HECW2: variants seen among roughly 807,000 people sequenced by gnomAD.
HECW2 encodes the protein E3 ubiquitin-protein ligase HECW2.
In HECW2, 61 loss-of-function variants were observed where a neutral mutation model predicts 175.2. That is an observed-to-expected ratio of 0.35 (90% confidence interval 0.28 to 0.43). The LOEUF (loss-of-function observed/expected upper bound fraction) is 0.43. HECW2 is among the 20% of genes least tolerant of loss of function. The probability of loss-of-function intolerance (pLI) is 1.00; values close to 1 mark genes in which losing one functional copy is unlikely to be tolerated. For missense variants in HECW2, 1,524 were observed against 2,000.5 expected, an observed-to-expected ratio of 0.76 and a Z score of 4.54; for synonymous variants, 671 against 731.0, an observed-to-expected ratio of 0.92 and a Z score of 1.32.
At chr2:196,246,857 G>GT (rs998086244) in intron 19 of HECW2, among the ~76,000 whole-genome samples, 6 of 152,148 alleles carry the variant, frequency 3.9e-5, no homozygotes, top group Admixed American at 1.3e-4. Flanking sequence ...TATACTCTAG[G>GT]TAAAGGGATT....
At chr2:196,305,091 A>G (rs1691209527) in intron 13 of HECW2, among the ~76,000 whole-genome samples, 1 of 152,134 alleles carries the variant, frequency 6.6e-6, no homozygotes, top group Admixed American at 6.5e-5. Context: ...CCAGCAGTGT[A>G]TCTTCTATAG....
chr2:196,299,163 A>AT (rs1403000501), intron 13 of HECW2, among the ~76,000 whole-genome samples: 1 of 146,580 alleles, frequency 6.8e-6, no homozygotes, highest in Non-Finnish European at 1.5e-5. Context: ...AGCATGGATC[A>AT]TCTTTTTAGC....
At chr2:196,476,894 T>C (rs1471158013) in intron 1 of HECW2, among the ~76,000 whole-genome samples, 2 of 134,348 alleles carry the variant, frequency 1.5e-5, no homozygotes, top group Non-Finnish European at 1.5e-5. Context: ...GAGGATCACT[T>C]GAGGCCAGGA....
intron 1 of HECW2, among the ~76,000 whole-genome samples, chr2:196,500,221 A>G (rs2178070): frequency 0.14 from 20,922 of 152,222 alleles, 1,514 homozygotes; most frequent in Middle Eastern, 0.24. Flanking sequence ...TAGAACTTCA[A>G]GTTTTTTTAG....
chr2:196,472,121 G>A (rs577404682), intron 1 of HECW2, among the ~76,000 whole-genome samples: 60 of 151,910 alleles, frequency 3.9e-4, no homozygotes, highest in African/African-American at 1.4e-3. Context: ...ACATTTAGAG[G>A]GCGAAAAAAA....
chr2:196,494,437 G>A (rs1049829054), intron 1 of HECW2, among the ~76,000 whole-genome samples: 1 of 152,194 alleles, frequency 6.6e-6, no homozygotes, highest in Non-Finnish European at 1.5e-5. Context: ...ACAGATTCAA[G>A]AGATATTTTC....
chr2:196,231,020 T>C (rs779584253), intron 21 of HECW2, among the ~76,000 whole-genome samples: 1 of 132,566 alleles, frequency 7.5e-6, no homozygotes, highest in African/African-American at 2.9e-5. Flanking sequence ...GGAGAATCAC[T>C]TGAACCAGGG....
chr2:196,294,038 T>C (rs1575371993), intron 13 of HECW2, among the ~76,000 whole-genome samples: 1 of 152,290 alleles, frequency 6.6e-6, no homozygotes, highest in South Asian at 2.1e-4. Flanking sequence ...TCTTTTTTTC[T>C]CTTTTTCCCT....
At chr2:196,294,451 A>C (rs1690730276) in intron 13 of HECW2, among the ~76,000 whole-genome samples, 1 of 152,000 alleles carries the variant, frequency 6.6e-6, no homozygotes, top group Non-Finnish European at 1.5e-5. Context: ...TTCCAGCTTT[A>C]TGGGTTCTGT....
chr2:196,289,771 T>C (rs1690535897), intron 14 of HECW2: 1 of 152,122 alleles, frequency 6.6e-6, no homozygotes, highest in African/African-American at 2.4e-5. Context: ...AGAAAACCTA[T>C]TAGCTGCCTA....
chr2:196,306,778 C>T (rs1691281735), intron 12 of HECW2, among the ~76,000 whole-genome samples, 166 bp from the exon 13 acceptor site: 2 of 152,168 alleles, frequency 1.3e-5, no homozygotes, highest in African/African-American at 4.8e-5. Context: ...ATACATAAAA[C>T]ATGGCTGTTC....
At chr2:196,549,408 G>T (rs1381199040) in intron 1 of HECW2, among the ~76,000 whole-genome samples, 1 of 151,990 alleles carries the variant, frequency 6.6e-6, no homozygotes, top group Non-Finnish European at 1.5e-5. Flanking sequence ...AATACAGTTT[G>T]GTTTTTGAAC....
chr2:196,322,673 C>T, intron 6 of HECW2, 53 bp from the exon 7 acceptor site: 2 of 1,476,134 alleles, frequency 1.4e-6, no homozygotes, highest in Non-Finnish European at 9.4e-7. Context: ...AAATATGATA[C>T]TATATCATTT....
Position 196,318,807 on chromosome 2 carries a change from C to A in HECW2, c.2083G>T (p.Glu695Ter). 1 of 1,528,564 alleles carries A rather than the reference C, an allele frequency of 6.5e-7. No individual in the cohort carries two copies. The highest frequency in any genetic ancestry group is 8.8e-7 in the Non-Finnish European group (1 of 1,136,738). 94.7% of individuals were successfully genotyped at this position (1,528,564 alleles called of 1,614,324 possible). ...GTGCACACGGATTCCTGCGACCCTT[C>A]GGCAGGGCCACTGCTGGTGGGCTCT... ...AAEPTSSGPA[E>*]GSQESVCTAG... Residue 695 changes from glutamate (E) to a stop codon, truncating the protein, a stop_gained, in exon 9 of 29, where the codon GAA (glutamate) becomes TAA (stop). Transcript: ENST00000644978. LOFTEE classifies it high-confidence loss of function.
chr2:196,306,102 C>T (rs1444912916), intron 13 of HECW2, among the ~76,000 whole-genome samples: 1 of 151,968 alleles, frequency 6.6e-6, no homozygotes, highest in Non-Finnish European at 1.5e-5. Flanking sequence ...ATAAAAGAAG[C>T]CTGAGAGAGC....
At position 196,318,969 on chromosome 2, in the gene HECW2, C is replaced by T. The variant is rs767070217; in HGVS notation, c.1921G>A (p.Ala641Thr). The change falls in exon 9 of 29, where the codon GCT (alanine) becomes ACT (threonine). Residue 641 changes from alanine (A) to threonine (T), a missense_variant. Physicochemically the swap from Ala to Thr is moderately conservative, Grantham distance 58. Transcript: ENST00000644978. ...ACACTCTCATTGCAGGAGCTGTCAG[C>T]GCATTCCAGGTCACTCTCTCCCTCA... The part of the protein sequence containing the change: ...RPEGESDLEC[A>T]DSSCNESVTT... The T allele has an allele frequency of 1.2e-5, 20 of 1,612,480 alleles. No homozygotes were observed. Among genetic ancestry groups the T allele is most frequent in the East Asian group, 4.5e-5 (2 of 44,886 alleles).
chr2:196,257,289 G>A (rs1001794330), intron 18 of HECW2, among the ~76,000 whole-genome samples: 28 of 152,096 alleles, frequency 1.8e-4, no homozygotes, highest in Non-Finnish European at 3.7e-4. Context: ...AGGGGCGGGG[G>A]TGAAAATAAT....
chr2:196,527,127 G>C (rs796957030), intron 1 of HECW2, among the ~76,000 whole-genome samples: 1 of 152,194 alleles, frequency 6.6e-6, no homozygotes, highest in African/African-American at 2.4e-5. Flanking sequence ...AGCAATCAGC[G>C]AGACTCCGTG....
intron 2 of HECW2, among the ~76,000 whole-genome samples, chr2:196,367,937 T>TATATATGAGATACATATATATGATAC (rs1437253551): frequency 8.6e-5 from 13 of 151,726 alleles, no homozygotes; most frequent in Admixed American, 7.2e-4. Context: ...TAGATACATA[T>TATATATGAGATACATATATATGATAC]ATATATGAGA....
Sources: gnomAD v4.1 joint callset for allele counts (sites outside exome capture counted in the v4.1 genomes callset) on GRCh38, gnomAD v4.1.1 for gene constraint, MANE v1.5 for transcripts, NCBI Gene and HGNC (gene_info 2026-07-23, HGNC 2026-07-21) for gene names.